Variants in LIG4 observed in about 807,000 individuals in gnomAD.
LIG4 encodes DNA joinase.
A neutral mutation model predicts 19.0 loss-of-function variants in LIG4; 13 were observed. That is an observed-to-expected ratio of 0.68 (90% CI 0.44 to 1.09). LIG4 has a LOEUF of 1.09. Among genes scored for constraint, LIG4 ranks in the 50% least tolerant of loss-of-function variants. The probability of loss-of-function intolerance (pLI) is 0.00; values close to 1 mark genes in which losing one functional copy is unlikely to be tolerated. For synonymous variants in LIG4, 361 were observed against 358.2 expected, an observed-to-expected ratio of 1.01 and a Z score of -0.09; for missense variants, 1,026 against 1,089.7, an observed-to-expected ratio of 0.94 and a Z score of 0.82.
chr13:108,214,492 G>C (rs1004922388), intron 2 of LIG4, 46 bp downstream of exon 2: 1 of 151,918 alleles, frequency 6.6e-6, no homozygotes, highest in Non-Finnish European at 1.5e-5. Flanking sequence ...TCCTCTGCCC[G>C]TTCCCCCTAC....
chr13:108,209,931 C>T lies in LIG4; in HGVS notation c.1338G>A (p.Gly446=). 6.2e-7 allele frequency: 1 copy of T among 1,614,050 alleles called. No individual in the cohort carries two copies. Among genetic ancestry groups the T allele is most frequent in the Non-Finnish European group, 8.5e-7 (1 of 1,180,008 alleles). ...CATACTCTGGTTTAATTTTTAACCACCCTTCACCTCTTTTGTCTGGCTTGT... is the reference window on the plus strand; with the variant it reads ...CATACTCTGGTTTAATTTTTAACCATCCTTCACCTCTTTTGTCTGGCTTGT... ...SIYKPDKRGE[G]WLKIKPEYVS... is the part of the protein sequence containing the mutation. Residue 446 remains glycine (G), a synonymous_variant, in exon 3 of 3, where the codon GGG becomes GGA. Coordinates refer to ENST00000442234, the MANE Select transcript of LIG4 (RefSeq NM_206937.2).
At chr13:108,217,872 G>A (rs1441822625), upstream of LIG4, among the ~76,000 whole-genome samples, 1 of 152,142 alleles carries the variant, frequency 6.6e-6, no homozygotes, top group Non-Finnish European at 1.5e-5. Flanking sequence ...AGTTTTAAGG[G>A]CCCATTTTTG....
intron 2 of LIG4, among the ~76,000 whole-genome samples, chr13:108,212,207 G>C (rs1216045898): frequency 6.8e-6 from 1 of 146,418 alleles, no homozygotes; most frequent in Non-Finnish European, 1.5e-5. Context: ...AAAAAGAAAA[G>C]AAAAAAAGGG....
chr13:108,215,147 ACGCCC>A, intron 1 of LIG4, among the ~76,000 whole-genome samples: 1 of 53,866 alleles, frequency 1.9e-5, no homozygotes, highest in Non-Finnish European at 3.5e-5. Flanking sequence ...CCCTAACCTG[ACGCCC>A]CACAGACCTC....
In LIG4 at chr13:108,209,266, C is replaced by T; in HGVS notation, c.2003G>A (p.Ser668Asn). The change falls in exon 3 of 3, where the codon AGT (serine) becomes AAT (asparagine). Residue 668 changes from serine (S) to asparagine (N), a missense_variant. Ser to Asn is a conservative substitution (Grantham distance 46). This residue lies in a region of LIG4 where 521 missense variants were observed against 515.5 expected (regional missense o/e 1.01). Transcript: ENST00000442234. ...IFEDVEFCVM[S>N]GTDSQPKPDL... Reference sequence around the variant, plus strand: ...AGGCTTTGGCTGGCTATCTGTTCCACTCATAACACAAAACTCTACATCTTC... The same window carrying T: ...AGGCTTTGGCTGGCTATCTGTTCCATTCATAACACAAAACTCTACATCTTC... 1.2e-6 allele frequency: 2 copies of T among 1,614,154 alleles called. No individual in the cohort carries two copies. The highest frequency in any genetic ancestry group is 1.7e-6 in the Non-Finnish European group (2 of 1,179,998).
At chr13:108,213,655 A>G (rs558813150) in intron 2 of LIG4, among the ~76,000 whole-genome samples, 8 of 152,228 alleles carry the variant, frequency 5.3e-5, no homozygotes, top group Admixed American at 3.9e-4. Flanking sequence ...TTCCATTTGC[A>G]GTAAGACAAA....
intron 2 of LIG4, among the ~76,000 whole-genome samples, chr13:108,212,170 T>G (rs1594468899): frequency 1.7e-5 from 2 of 118,580 alleles, no homozygotes; most frequent in African/African-American, 6.5e-5. Flanking sequence ...TAAAAGAAAA[T>G]ATATTCTGTA....
Position 108,210,380 on chromosome 13 carries a change from T to C in LIG4, c.889A>G (p.Asn297Asp). 2.5e-6 allele frequency: 4 copies of C among 1,613,912 alleles called. No individual in the cohort carries two copies. The highest frequency in any genetic ancestry group is 2.5e-6 in the Non-Finnish European group (3 of 1,179,960). ...GAAGCACCAAACTGATCAGTGTAGTTATATCCATTTCGAGAGAAGTATTTA... is the reference window on the plus strand; with the variant it reads ...GAAGCACCAAACTGATCAGTGTAGTCATATCCATTTCGAGAGAAGTATTTA... ...VYKYFSRNGY[N>D]YTDQFGASPT... The change falls in exon 3 of 3, where the codon AAC becomes GAC. Residue 297 changes from asparagine to aspartate, a missense_variant. Physicochemically the swap from Asn to Asp is conservative, Grantham distance 23 (BLOSUM62 1). Around this residue, in one of 3 missense-constraint regions of LIG4, gnomAD observed 493 missense variants for 544.5 expected, o/e 0.91. Transcript: ENST00000442234.
At chr13:108,215,133 CAG>C (rs1221719090) in intron 1 of LIG4, among the ~76,000 whole-genome samples, 1 of 79,490 alleles carries the variant, frequency 1.3e-5, no homozygotes, top group Non-Finnish European at 2.5e-5. Context: ...TGACACCTCA[CAG>C]ACCCTAACCT....
chr13:108,209,074 G>T lies in LIG4; in HGVS notation c.2195C>A (p.Thr732Asn), dbSNP rs766525115. Reference sequence around the variant, plus strand: ...AGGCTGCCATGGTACAAAGCTTTTGGTCTTAAAACATTCTAAAAGCCATGC... The same window carrying T: ...AGGCTGCCATGGTACAAAGCTTTTGTTCTTAAAACATTCTAAAAGCCATGC... Reference protein sequence around the residue: ...KPAWLLECFKTKSFVPWQPRF... With the variant: ...KPAWLLECFKNKSFVPWQPRF... Residue 732 changes from threonine (T) to asparagine (N), a missense_variant, in exon 3 of 3, where the codon ACC (threonine) becomes AAC (asparagine). Physicochemically the swap from Thr to Asn is moderately conservative, Grantham distance 65. Transcript: ENST00000442234. The T allele has an allele frequency of 5.6e-6, 9 of 1,614,078 alleles. No homozygotes were observed. The South Asian group carries it at 8.8e-5, about 16-fold the overall frequency.
rs770464007 is a variant in LIG4 at position 108,207,597 on chromosome 13, G to T, written c.*936C>A. 6.6e-6 allele frequency: 1 copy of T among 152,070 alleles called. No individual in the cohort carries two copies. Among genetic ancestry groups the T allele is most frequent in the African/African-American group, 2.4e-5 (1 of 41,400 alleles). The allele number at this position is 152,070 out of a possible 1,614,324, so 9.4% of individuals were successfully genotyped here. A position where few individuals can be genotyped will look rare whatever the true frequency, so the allele number is the denominator to read the frequency against. On this transcript the variant is annotated 3_prime_UTR_variant, in exon 3 of 3. Transcript: ENST00000442234. Reference sequence around the variant, plus strand: ...TCCGTACATTTCAATATGGTCATGAGATAGGCTGTATTCCAAAATTTGGTA... The same window carrying T: ...TCCGTACATTTCAATATGGTCATGATATAGGCTGTATTCCAAAATTTGGTA...
Position 108,211,144 on chromosome 13 carries a change from A to T in LIG4, c.125T>A (p.Phe42Tyr), listed in dbSNP as rs1336695891. ...RAEKIRHFRE[F>Y]LDSWRKFHDA... ...ATGAAATTTTCTCCAAGAATCTAAAAATTCCCTGAAGTGTCTGATTTTTTC... is the reference window on the plus strand; with the variant it reads ...ATGAAATTTTCTCCAAGAATCTAAATATTCCCTGAAGTGTCTGATTTTTTC... Residue 42 changes from phenylalanine to tyrosine, a missense_variant, in exon 3 of 3, where the codon TTT becomes TAT. By Grantham distance (22) the Phe-to-Tyr change is conservative. Coordinates refer to ENST00000442234, the MANE Select transcript of LIG4 (RefSeq NM_206937.2). 3.1e-6 allele frequency: 5 copies of T among 1,612,194 alleles called. No homozygotes were observed. In the South Asian group the frequency reaches 5.5e-5, roughly 18 times the overall value.
intron 2 of LIG4, among the ~76,000 whole-genome samples, chr13:108,212,913 T>C (rs994330194): frequency 4.6e-5 from 7 of 152,036 alleles, no homozygotes; most frequent in African/African-American, 1.7e-4. Context: ...TCTGGTTACA[T>C]ACCACACACT....
intron 2 of LIG4, among the ~76,000 whole-genome samples, chr13:108,211,540 T>C (rs543964455): frequency 4.8e-4 from 73 of 152,350 alleles, no homozygotes; most frequent in African/African-American, 1.8e-3. Context: ...TTCCTGTATT[T>C]ATAATACAGA....
chr13:108,210,880 T>C lies in LIG4; in HGVS notation c.389A>G (p.Tyr130Cys). The stretch of plus-strand genomic sequence containing the variant: ...TAAACATCTTGGCTTCAACACAAAA[T>C]ATGCAATCATTGCAAAGTCTCCAGC... Reference protein sequence around the residue: ...GDAGDFAMIAYFVLKPRCLQK... With the variant: ...GDAGDFAMIACFVLKPRCLQK... Residue 130 changes from tyrosine to cysteine, a missense_variant, in exon 3 of 3, where the codon TAT becomes TGT. By Grantham distance (194) the Tyr-to-Cys change is radical (BLOSUM62 -2). Transcript: ENST00000442234. The C allele has an allele frequency of 1.2e-6, 2 of 1,614,048 alleles. No homozygotes were observed. The highest frequency in any genetic ancestry group is 1.1e-5 in the South Asian group (1 of 91,078).
chr13:108,217,096 C>T (rs1235942237), upstream of LIG4, among the ~76,000 whole-genome samples: 3 of 152,212 alleles, frequency 2.0e-5, no homozygotes, highest in African/African-American at 7.2e-5. Context: ...AACAACACCA[C>T]AGGCCGGGCC....
In LIG4 at chr13:108,209,758, G is replaced by A. The variant is rs897638483; in HGVS notation, c.1511C>T (p.Ser504Phe). Residue 504 changes from serine (S) to phenylalanine (F), a missense_variant, in exon 3 of 3, where the codon TCT becomes TTT. By Grantham distance (155) the Ser-to-Phe change is radical. Transcript: ENST00000442234. Reference protein sequence around the residue: ...GEKPSVFHTLSRVGSGCTMKE... With the variant: ...GEKPSVFHTLFRVGSGCTMKE... ...CATGGTGCAGCCAGACCCAACACGA[G>A]AGAGAGTATGAAACACAGATGGCTT... 1.2e-6 allele frequency: 2 copies of A among 1,614,098 alleles called. No homozygotes were observed. Among genetic ancestry groups the A allele is most frequent in the Non-Finnish European group, 1.7e-6 (2 of 1,180,018 alleles).
In LIG4 at chr13:108,209,006, C is replaced by A. The variant is rs928493743; in HGVS notation, c.2263G>T (p.Ala755Ser). 2 of 1,613,986 alleles carry A rather than the reference C, an allele frequency of 1.2e-6. No homozygotes were observed. The highest frequency in any genetic ancestry group is 2.7e-5 in the African/African-American group (2 of 74,920). The stretch of plus-strand genomic sequence containing the variant: ...TCACCATAGCAATCATATTCACGGG[C>A]AAAATGTTCTTTGGTTGATGGGCAC... Reference protein sequence around the residue: ...HMCPSTKEHFAREYDCYGDSY... With the variant: ...HMCPSTKEHFSREYDCYGDSY... Residue 755 changes from alanine to serine, a missense_variant, in exon 3 of 3, where the codon GCC becomes TCC. Physicochemically the swap from Ala to Ser is moderately conservative, Grantham distance 99. Coordinates refer to ENST00000442234, the MANE Select transcript of LIG4 (RefSeq NM_206937.2).
upstream of LIG4, among the ~76,000 whole-genome samples, chr13:108,216,933 G>C (rs1879328425): frequency 6.6e-6 from 1 of 152,156 alleles, no homozygotes; most frequent in South Asian, 2.1e-4. Flanking sequence ...GTATCTTCTA[G>C]AGTTGCCATG....
Sources: allele counts gnomAD v4.1 joint callset (sites outside exome capture counted in the v4.1 genomes callset), GRCh38; gene constraint gnomAD v4.1.1; regional missense constraint gnomAD v4.1.1; transcripts MANE v1.5; gene names NCBI Gene and HGNC (gene_info 2026-07-23, HGNC 2026-07-21).